NT5DC1: variants seen among roughly 807,000 people sequenced by gnomAD.
NT5DC1 encodes the protein 5'-nucleotidase domain-containing protein 1.
Under a neutral mutation model 59.4 loss-of-function variants are expected in NT5DC1, and 42 were observed. The ratio of observed to expected loss-of-function variants is 0.71; its 90% CI spans 0.55 to 0.92. The LOEUF (loss-of-function observed/expected upper bound fraction) is 0.92. NT5DC1 is among the 40% of genes least tolerant of loss of function. The pLI, the probability that NT5DC1 is intolerant of heterozygous loss-of-function variation, is 0.00. For missense variants in NT5DC1, 501 were observed against 537.1 expected, an observed-to-expected ratio of 0.93 and a Z score of 0.66; for synonymous variants, 172 against 188.1, an observed-to-expected ratio of 0.91 and a Z score of 0.70.
intron 6 of NT5DC1, among the ~76,000 whole-genome samples, chr6:116,182,752 A>T (rs1428409782): frequency 6.7e-6 from 1 of 148,438 alleles, no homozygotes; most frequent in Non-Finnish European, 1.5e-5. Flanking sequence ...TTTCTTGCTG[A>T]TATGTTTGAG....
chr6:116,243,634 A>G (rs970058064), intron 11 of NT5DC1, among the ~76,000 whole-genome samples: 2 of 152,144 alleles, frequency 1.3e-5, no homozygotes, highest in African/African-American at 4.8e-5. Flanking sequence ...TCTGTTAGAC[A>G]TGGTTATCTC....
At chr6:116,135,832 C>CATAT in intron 6 of NT5DC1, among the ~76,000 whole-genome samples, 1 of 69,966 alleles carries the variant, frequency 1.4e-5, no homozygotes, top group Non-Finnish European at 2.6e-5. Context: ...AATATATTTT[C>CATAT]AGATATATAT....
At position 116,110,901 on chromosome 6, in the gene NT5DC1, T is replaced by C. The variant is rs1778862671; in HGVS notation, c.309T>C (p.Tyr103=). ...MMTPEVLAEA[Y]GKKEWKHFLS... The stretch of plus-strand genomic sequence containing the variant: ...CTCCAGAGGTGCTGGCAGAGGCATA[T>C]GGCAAGAAAGAGTGGAAGCACTTCT... The change falls in exon 4 of 12, where the codon TAT becomes TAC. Residue 103 remains tyrosine (Y), a synonymous_variant. Coordinates refer to ENST00000319550, the MANE Select transcript of NT5DC1 (RefSeq NM_152729.3). 6 of 1,614,074 alleles carry C rather than the reference T, an allele frequency of 3.7e-6. No homozygotes were observed. The highest frequency in any genetic ancestry group is 5.1e-6 in the Non-Finnish European group (6 of 1,180,020).
intron 6 of NT5DC1, among the ~76,000 whole-genome samples, chr6:116,168,188 T>G (rs1040261368): frequency 6.6e-6 from 1 of 151,810 alleles, no homozygotes. Context: ...TCTAAAAATA[T>G]TGTTCTGCTC....
chr6:116,214,022 T>A (rs954177205), intron 6 of NT5DC1, among the ~76,000 whole-genome samples: 3 of 152,140 alleles, frequency 2.0e-5, no homozygotes, highest in Non-Finnish European at 4.4e-5. Context: ...TCACTGTGCC[T>A]GGCTTTCTTC....
chr6:116,108,992 TCTCTC>T (rs1446269020), intron 3 of NT5DC1, among the ~76,000 whole-genome samples: 1 of 152,136 alleles, frequency 6.6e-6, no homozygotes, highest in East Asian at 1.9e-4. Context: ...TTTCTTTACT[TCTCTC>T]CTCTCTGAGT....
intron 6 of NT5DC1, among the ~76,000 whole-genome samples, chr6:116,174,138 A>G (rs1455434851): frequency 6.6e-6 from 1 of 152,172 alleles, no homozygotes; most frequent in East Asian, 1.9e-4. Context: ...TGTCAACATG[A>G]CATCACTGCT....
intron 6 of NT5DC1, among the ~76,000 whole-genome samples, chr6:116,167,291 C>T (rs1484235556): frequency 2.1e-5 from 3 of 142,156 alleles, no homozygotes; most frequent in Non-Finnish European, 1.5e-5. Context: ...CAGCTCACTG[C>T]AACTTCCGCC....
intron 6 of NT5DC1, among the ~76,000 whole-genome samples, chr6:116,127,543 T>G (rs1251556756): frequency 1.3e-5 from 2 of 152,188 alleles, no homozygotes; most frequent in Non-Finnish European, 2.9e-5. Flanking sequence ...AATTATAATA[T>G]GTACTCTGCT....
intron 8 of NT5DC1, among the ~76,000 whole-genome samples, chr6:116,235,252 G>A (rs146830094): frequency 5.7e-4 from 87 of 151,972 alleles, no homozygotes; most frequent in Non-Finnish European, 1.0e-3. Context: ...CATTATTTGC[G>A]TAGTAAGACA....
intron 6 of NT5DC1, among the ~76,000 whole-genome samples, chr6:116,154,343 T>C (rs1315582079): frequency 6.6e-6 from 1 of 152,216 alleles, no homozygotes; most frequent in Non-Finnish European, 1.5e-5. Context: ...TTTCTGTTCC[T>C]GTATCCTAAC....
At chr6:116,203,309 T>C (rs1181236339) in intron 6 of NT5DC1, among the ~76,000 whole-genome samples, 1 of 152,000 alleles carries the variant, frequency 6.6e-6, no homozygotes, top group Non-Finnish European at 1.5e-5. Flanking sequence ...TTACTATACA[T>C]TGTTATTAAA....
intron 6 of NT5DC1, among the ~76,000 whole-genome samples, chr6:116,154,327 G>T (rs142389891): frequency 2.0e-5 from 3 of 152,082 alleles, no homozygotes; most frequent in Admixed American, 2.0e-4. Context: ...CTGAGGCCGG[G>T]ATTTCTTTCT....
At chr6:116,236,875 C>G in intron 8 of NT5DC1, 91 bp from the exon 9 acceptor site, 1 of 746,378 alleles carries the variant, frequency 1.3e-6, no homozygotes, top group Non-Finnish European at 2.4e-6. Flanking sequence ...CTTGTTTGTA[C>G]ATGTCCTGTA....
At chr6:116,186,679 T>G (rs992024079) in intron 6 of NT5DC1, among the ~76,000 whole-genome samples, 1 of 152,108 alleles carries the variant, frequency 6.6e-6, no homozygotes, top group Non-Finnish European at 1.5e-5. Context: ...GCTGCGAGTT[T>G]CCAGTGCATT....
intron 6 of NT5DC1, among the ~76,000 whole-genome samples, chr6:116,151,184 A>C (rs1337091925): frequency 1.3e-5 from 2 of 152,168 alleles, no homozygotes; most frequent in Non-Finnish European, 2.9e-5. Context: ...ATTCCTGCCA[A>C]CTTCAGTGCC....
At chr6:116,217,698 TC>T (rs1394113567) in intron 6 of NT5DC1, among the ~76,000 whole-genome samples, 1 of 152,116 alleles carries the variant, frequency 6.6e-6, no homozygotes, top group Non-Finnish European at 1.5e-5. Context: ...ACATAAATGT[TC>T]CTGTGTCTGC....
At chr6:116,228,321 C>T (rs1363396155) in intron 8 of NT5DC1, among the ~76,000 whole-genome samples, 1 of 152,176 alleles carries the variant, frequency 6.6e-6, no homozygotes, top group Non-Finnish European at 1.5e-5. Flanking sequence ...CCAGCCTGAC[C>T]AACATGGAGA....
At chr6:116,234,410 G>A (rs762261860) in intron 8 of NT5DC1, among the ~76,000 whole-genome samples, 2 of 151,852 alleles carry the variant, frequency 1.3e-5, no homozygotes, top group Admixed American at 6.6e-5. Context: ...ACATGATCTC[G>A]GCTCACTGAA....
Sources: allele counts gnomAD v4.1 joint callset (sites outside exome capture counted in the v4.1 genomes callset), GRCh38; gene constraint gnomAD v4.1.1; transcripts MANE v1.5; gene names NCBI Gene and HGNC (gene_info 2026-07-23, HGNC 2026-07-21).